The following RHOBTB1 variants were observed in gnomAD, a reference collection of about 807,000 sequenced individuals.
The protein encoded by RHOBTB1 is rho-related BTB domain-containing protein 1.
In RHOBTB1, 40 loss-of-function variants were observed where a neutral mutation model predicts 71.6. That is an observed-to-expected ratio of 0.56 (90% CI 0.43 to 0.73). The LOEUF (loss-of-function observed/expected upper bound fraction) is 0.73, where lower values mean the gene tolerates loss of function less well. Ranked by LOEUF, RHOBTB1 falls within the 30% of genes least tolerant of loss-of-function variation. The probability of loss-of-function intolerance (pLI) is 0.00; values close to 1 mark genes in which losing one functional copy is unlikely to be tolerated. For synonymous variants in RHOBTB1, 319 were observed against 334.9 expected, an observed-to-expected ratio of 0.95 and a Z score of 0.52; for missense variants, 797 against 894.0, an observed-to-expected ratio of 0.89 and a Z score of 1.38.
intron 2 of RHOBTB1, among the ~76,000 whole-genome samples, chr10:60,956,257 A>T (rs984776257): frequency 3.3e-5 from 5 of 152,174 alleles, no homozygotes; most frequent in African/African-American, 1.2e-4. Flanking sequence ...TAAAAATATG[A>T]ATAAAAGACT....
intron 2 of RHOBTB1, among the ~76,000 whole-genome samples, chr10:60,919,737 A>G (rs953389146): frequency 6.6e-6 from 1 of 152,240 alleles, no homozygotes; most frequent in Non-Finnish European, 1.5e-5. Flanking sequence ...TGAAAGAAGC[A>G]CTTTTTACTA....
chr10:60,937,084 A>T (rs569630407), intron 2 of RHOBTB1, among the ~76,000 whole-genome samples: 6 of 152,082 alleles, frequency 3.9e-5, no homozygotes, highest in African/African-American at 9.7e-5. Flanking sequence ...ACAAGTATTT[A>T]AAAAAAATAT....
At position 60,970,554 on chromosome 10, in the gene RHOBTB1, T is replaced by C. The variant is rs145007854; in HGVS notation, c.-62+15291A>G. ...AATGCTTCACATTTACCTGAGGAAC[T>C]AATAAATTTTTGATAAAAATAGTTC... On this transcript the variant is annotated intron_variant, in intron 2 of 11. Transcript: ENST00000357917. 2.1e-4 allele frequency among the ~76,000 whole-genome samples: 32 copies of C among 152,290 alleles called. No individual in the cohort carries two copies. In the East Asian group the frequency reaches 5.0e-3, roughly 24 times the overall value.
chr10:60,945,238 T>C (rs906140648), upstream of RHOBTB1, among the ~76,000 whole-genome samples: 2 of 152,150 alleles, frequency 1.3e-5, no homozygotes, highest in African/African-American at 4.8e-5. Flanking sequence ...AAGAGATCAC[T>C]GGGGAATAAA....
upstream of RHOBTB1, among the ~76,000 whole-genome samples, chr10:61,001,749 C>G (rs1353835014): frequency 6.6e-6 from 1 of 152,186 alleles, no homozygotes; most frequent in Admixed American, 6.5e-5. Context: ...GCGCGTGGGG[C>G]TCCTACTGGG....
At chr10:60,922,484 C>T (rs559568789) in intron 2 of RHOBTB1, among the ~76,000 whole-genome samples, 17 of 152,270 alleles carry the variant, frequency 1.1e-4, no homozygotes, top group African/African-American at 2.2e-4. Flanking sequence ...GAAGGATTTC[C>T]GCCAAATTCA....
intron 2 of RHOBTB1, among the ~76,000 whole-genome samples, chr10:60,921,854 G>T (rs1357589589): frequency 6.6e-6 from 1 of 152,154 alleles, no homozygotes; most frequent in Non-Finnish European, 1.5e-5. Context: ...CAAGAGCAGT[G>T]TTTGACAGAT....
chr10:60,911,396 G>A lies in RHOBTB1; in HGVS notation c.147C>T (p.His49=), dbSNP rs749279911. ...GGTCAATCGCCCACACTGTTGGCAC[G>A]TGGGTGGCCAGCAGCTGATACTGCG... is the stretch of plus-strand genomic sequence containing the variant. ...TLTQYQLLAT[H]VPTVWAIDQY... The change falls in exon 3 of 11, where the codon CAC becomes CAT. Residue 49 remains histidine (H), a synonymous_variant. Coordinates refer to ENST00000337910, the MANE Select transcript of RHOBTB1 (RefSeq NM_014836.5). The A allele has an allele frequency of 3.7e-6, 6 of 1,614,044 alleles. No individual in the cohort carries two copies. Among genetic ancestry groups the A allele is most frequent in the Non-Finnish European group, 5.1e-6 (6 of 1,179,972 alleles).
intron 2 of RHOBTB1, among the ~76,000 whole-genome samples, chr10:60,955,043 C>CTTTTTTTTTTTTTTTTTTTTTTT (rs34012455): frequency 6.2e-5 from 7 of 112,836 alleles, no homozygotes; most frequent in Admixed American, 1.0e-4. Flanking sequence ...TTCTTTCTTT[C>CTTTTTTTTTTTTTTTTTTTTTTT]TTTTTTTTTT....
intron 7 of RHOBTB1, among the ~76,000 whole-genome samples, chr10:60,878,585 A>T (rs1254596741): frequency 6.6e-6 from 1 of 152,240 alleles, no homozygotes; most frequent in East Asian, 1.9e-4. Context: ...CAACGTATAC[A>T]CTTCATTATT....
intron 1 of RHOBTB1, among the ~76,000 whole-genome samples, chr10:60,993,056 G>A (rs1565211429): frequency 6.6e-6 from 1 of 152,122 alleles, no homozygotes; most frequent in Non-Finnish European, 1.5e-5. Flanking sequence ...GAGGGCTTCG[G>A]GCATTTTATT....
chr10:60,988,672 A>G lies in RHOBTB1; in HGVS notation c.-162-2727T>C, dbSNP rs930092140. 2.6e-5 allele frequency among the ~76,000 whole-genome samples: 4 copies of G among 152,164 alleles called. No homozygotes were observed. In the South Asian group the frequency reaches 8.3e-4, roughly 32 times the overall value. ...ATGGCTACAAAGTATTCCATGGTGT[A>G]TGTACACCACATTTTCTTTATTCAA... On this transcript the variant is annotated intron_variant, in intron 1 of 11. Coordinates refer to the RHOBTB1 transcript ENST00000357917.
intron 7 of RHOBTB1, among the ~76,000 whole-genome samples, chr10:60,880,015 C>T (rs2081243253): frequency 6.6e-6 from 1 of 152,050 alleles, no homozygotes; most frequent in South Asian, 2.1e-4. Context: ...GTATTAGGTA[C>T]CAGAAACACT....
intron 4 of RHOBTB1, among the ~76,000 whole-genome samples, chr10:60,903,881 T>C (rs1205920664): frequency 6.6e-6 from 1 of 152,218 alleles, no homozygotes; most frequent in Non-Finnish European, 1.5e-5. Context: ...TAAAGTTCCA[T>C]AAATAATTAA....
At chr10:60,943,658 C>G (rs902440275) in intron 1 of RHOBTB1, among the ~76,000 whole-genome samples, 7 of 152,230 alleles carry the variant, frequency 4.6e-5, no homozygotes, top group Admixed American at 3.9e-4. Context: ...GGCACCACCC[C>G]CTCCCTGGCG....
chr10:60,930,425 G>C (rs752102511), intron 2 of RHOBTB1, among the ~76,000 whole-genome samples: 4 of 152,328 alleles, frequency 2.6e-5, no homozygotes, highest in Non-Finnish European at 5.9e-5. Context: ...TTATGCTTAT[G>C]ATGAGTTTGC....
Position 60,887,299 on chromosome 10 carries a change from G to A in RHOBTB1, c.1456+913C>T, listed in dbSNP as rs78965457. ...TCATAAGCTTTAAAATGAATGAACT[G>A]AGTCTTTAGGAACCACTTACTAAAT... is the stretch of plus-strand genomic sequence containing the variant. On this transcript the variant is annotated intron_variant, in intron 6 of 10. Coordinates refer to ENST00000337910, the MANE Select transcript of RHOBTB1 (RefSeq NM_014836.5). Among the ~76,000 whole-genome samples, 1,132 of 152,312 alleles carry A rather than the reference G, an allele frequency of 7.4e-3. 12 individuals are homozygous for A. The highest frequency in any genetic ancestry group is 0.026 in the African/African-American group (1,075 of 41,558).
intron 7 of RHOBTB1, among the ~76,000 whole-genome samples, chr10:60,878,681 G>A (rs147405297): frequency 2.6e-4 from 39 of 152,324 alleles, no homozygotes; most frequent in African/African-American, 8.9e-4. Flanking sequence ...TCCTTGCTTG[G>A]GACTTCCAGG....
chr10:60,957,847 A>C (rs919543359), intron 2 of RHOBTB1, among the ~76,000 whole-genome samples: 1 of 152,190 alleles, frequency 6.6e-6, no homozygotes, highest in East Asian at 1.9e-4. Context: ...ACGGACAGGA[A>C]AGCTGAGGTA....
Sources: allele counts gnomAD v4.1 joint callset (sites outside exome capture counted in the v4.1 genomes callset), GRCh38; gene constraint gnomAD v4.1.1; transcripts MANE v1.5; gene names NCBI Gene and HGNC (gene_info 2026-07-23, HGNC 2026-07-21).